The following TMEM132D variants were observed in gnomAD, a reference collection of about 807,000 sequenced individuals.
TMEM132D encodes the protein transmembrane protein 132D, also known as mature OL transmembrane protein.
A neutral mutation model predicts 62.3 loss-of-function variants in TMEM132D; 21 were observed. That is an observed-to-expected ratio of 0.34 (90% CI 0.24 to 0.49). TMEM132D has a LOEUF of 0.49. Among genes scored for constraint, TMEM132D ranks in the 20% least tolerant of loss-of-function variants. TMEM132D has a pLI of 0.99. For missense variants in TMEM132D, 1,346 were observed against 1,402.8 expected, an observed-to-expected ratio of 0.96 and a Z score of 0.65; for synonymous variants, 621 against 575.6, an observed-to-expected ratio of 1.08 and a Z score of -1.13.
chr12:129,598,208 G>C (rs1186210820), intron 2 of TMEM132D, among the ~76,000 whole-genome samples: 2 of 152,312 alleles, frequency 1.3e-5, no homozygotes, highest in South Asian at 4.2e-4. Context: ...CTTCCATGAG[G>C]AAAAGGCATC....
chr12:129,711,152 C>G (rs764886222), intron 1 of TMEM132D, among the ~76,000 whole-genome samples: 1 of 152,194 alleles, frequency 6.6e-6, no homozygotes, highest in Non-Finnish European at 1.5e-5. Context: ...CATTGGCCCC[C>G]TAAATACACT....
At chr12:129,821,115 T>C (rs1284123957) in intron 1 of TMEM132D, among the ~76,000 whole-genome samples, 1 of 152,188 alleles carries the variant, frequency 6.6e-6, no homozygotes, top group African/African-American at 2.4e-5. Context: ...CAATTCTGAT[T>C]TTCTATATTC....
chr12:129,267,957 G>T (rs923589590), intron 4 of TMEM132D, among the ~76,000 whole-genome samples: 1 of 152,132 alleles, frequency 6.6e-6, no homozygotes, highest in Non-Finnish European at 1.5e-5. Flanking sequence ...TTAATAAATG[G>T]TGCTGGGAAA....
intron 5 of TMEM132D, among the ~76,000 whole-genome samples, chr12:129,118,688 GC>G (rs1270643046): frequency 1.3e-5 from 2 of 152,200 alleles, no homozygotes; most frequent in Non-Finnish European, 2.9e-5. Context: ...TTAGTGAAAT[GC>G]CCTTAGATTA....
chr12:129,086,169 C>T (rs548104591), intron 5 of TMEM132D, among the ~76,000 whole-genome samples: 1 of 151,664 alleles, frequency 6.6e-6, no homozygotes, highest in Admixed American at 6.6e-5. Context: ...AGTTAGCTCA[C>T]ATATCCATCA....
intron 3 of TMEM132D, among the ~76,000 whole-genome samples, chr12:129,403,387 G>A (rs1323378169): frequency 6.6e-6 from 1 of 151,242 alleles, no homozygotes; most frequent in East Asian, 1.9e-4. Flanking sequence ...AGAGAGTACA[G>A]CAAGGACTAA....
intron 7 of TMEM132D, 90 bp from the exon 8 acceptor site, chr12:129,078,815 G>T: frequency 7.3e-7 from 1 of 1,369,236 alleles, no homozygotes. Flanking sequence ...TGTGCAGGCA[G>T]CGGCAGGGCA....
intron 4 of TMEM132D, among the ~76,000 whole-genome samples, chr12:129,211,325 G>A (rs143196899): frequency 3.5e-4 from 53 of 152,246 alleles, no homozygotes; most frequent in African/African-American, 1.1e-3. Context: ...GCTGGTTAGG[G>A]TGGATCTAAA....
At chr12:129,766,519 T>C (rs1288480312) in intron 1 of TMEM132D, among the ~76,000 whole-genome samples, 2 of 152,180 alleles carry the variant, frequency 1.3e-5, no homozygotes, top group East Asian at 3.9e-4. Flanking sequence ...TGAAAGCACT[T>C]AAAGAAGCAG....
At chr12:129,603,993 A>C (rs1319156574) in intron 2 of TMEM132D, among the ~76,000 whole-genome samples, 1 of 152,236 alleles carries the variant, frequency 6.6e-6, no homozygotes, top group Non-Finnish European at 1.5e-5. Flanking sequence ...GCAGCCATAA[A>C]AAATGAGTTC....
intron 2 of TMEM132D, among the ~76,000 whole-genome samples, chr12:129,568,696 A>G (rs148571276): frequency 7.3e-4 from 111 of 152,290 alleles, no homozygotes; most frequent in Middle Eastern, 3.4e-3. Flanking sequence ...TCATTATTCT[A>G]TATTTCATGT....
intron 2 of TMEM132D, among the ~76,000 whole-genome samples, chr12:129,531,906 A>G (rs956229729): frequency 1.9e-4 from 29 of 152,236 alleles, no homozygotes; most frequent in African/African-American, 6.5e-4. Context: ...AAATACAAAA[A>G]TTATTTGAGT....
chr12:129,657,478 C>T (rs1290257970), intron 2 of TMEM132D, among the ~76,000 whole-genome samples: 1 of 152,196 alleles, frequency 6.6e-6, no homozygotes, highest in Non-Finnish European at 1.5e-5. Flanking sequence ...CACATTTCCA[C>T]CATCAAGAAG....
rs183811111 is a variant in TMEM132D, at chr12:129,823,436, C to A, written c.79+79825G>T. Reference sequence around the variant, plus strand: ...TACAAAGAGTTTAGGCGCAGTACGCCCCTTTCATCAGTTAGGGAATGGTGG... The same window carrying A: ...TACAAAGAGTTTAGGCGCAGTACGCACCTTTCATCAGTTAGGGAATGGTGG... On this transcript the variant is annotated intron_variant, in intron 1 of 8. Transcript: ENST00000422113. Among the ~76,000 whole-genome samples the A allele has an allele frequency of 5.9e-4, 90 of 152,322 alleles. 1 individual carries two copies. Among genetic ancestry groups the A allele is most frequent in the African/African-American group, 2.1e-3 (86 of 41,568 alleles).
chr12:129,723,017 C>T (rs2137245793), intron 1 of TMEM132D, among the ~76,000 whole-genome samples: 1 of 152,234 alleles, frequency 6.6e-6, no homozygotes, highest in Admixed American at 6.5e-5. Flanking sequence ...GCTGAGATTA[C>T]AGGTGTAAGC....
intron 5 of TMEM132D, among the ~76,000 whole-genome samples, chr12:129,107,240 A>G (rs1419744433): frequency 6.6e-6 from 1 of 152,250 alleles, no homozygotes; most frequent in Non-Finnish European, 1.5e-5. Flanking sequence ...CAGTCCTATC[A>G]GATATGATAT....
At chr12:129,502,410 A>G (rs573643110) in intron 3 of TMEM132D, among the ~76,000 whole-genome samples, 1 of 152,338 alleles carries the variant, frequency 6.6e-6, no homozygotes, top group Non-Finnish European at 1.5e-5. Context: ...GCTGATAGTC[A>G]GAACTGCAGC....
rs866700477 is a variant in TMEM132D, at chr12:129,903,954, G to C, written c.-615C>G. Among the ~76,000 whole-genome samples the C allele has an allele frequency of 6.7e-6, 1 of 148,214 alleles. No homozygotes were observed. The highest frequency in any genetic ancestry group is 1.5e-5 in the Non-Finnish European group (1 of 66,426). ...AGTTTGGCGGGTGCGGCTGCTCCCC[G>C]GCCGCCGCCTCGGCCCGCCCGGCCC... On this transcript the variant is annotated 5_prime_UTR_variant, in exon 1 of 9. Coordinates refer to ENST00000422113, the MANE Select transcript of TMEM132D (RefSeq NM_133448.3). This position sits in a 1 kb window ranked among gnomAD's most constrained non-coding sequence, Gnocchi z 6.2.
intron 2 of TMEM132D, among the ~76,000 whole-genome samples, chr12:129,614,846 T>C (rs918714838): frequency 2.6e-5 from 4 of 152,180 alleles, no homozygotes; most frequent in African/African-American, 9.7e-5. Context: ...TCTTGATTCT[T>C]AAAAGCTAGC....
Sources: allele counts gnomAD v4.1 joint callset (sites outside exome capture counted in the v4.1 genomes callset), GRCh38; gene constraint gnomAD v4.1.1; non-coding constraint Gnocchi (gnomAD v3.1); transcripts MANE v1.5; gene names NCBI Gene and HGNC (gene_info 2026-07-23, HGNC 2026-07-21).